Variants in DEPDC1B observed in about 807,000 individuals in gnomAD.
The protein encoded by DEPDC1B is DEP domain-containing protein 1B.
In DEPDC1B, 51 loss-of-function variants were observed where a neutral mutation model predicts 66.5. That is an observed-to-expected ratio of 0.77 (90% CI 0.61 to 0.97). DEPDC1B has a LOEUF of 0.97. DEPDC1B is among the 50% of genes least tolerant of loss of function. The probability of loss-of-function intolerance (pLI) is 0.00; values close to 1 mark genes in which losing one functional copy is unlikely to be tolerated. For synonymous variants in DEPDC1B, 226 were observed against 223.6 expected, an observed-to-expected ratio of 1.01 and a Z score of -0.10; for missense variants, 552 against 637.1, an observed-to-expected ratio of 0.87 and a Z score of 1.44.
chr5:60,618,713 G>A (rs532970617), intron 7 of DEPDC1B, among the ~76,000 whole-genome samples: 116 of 152,148 alleles, frequency 7.6e-4, no homozygotes, highest in Non-Finnish European at 1.4e-3. Context: ...ACAGGTACAA[G>A]GAGGAGCTGG....
At position 60,597,225 on chromosome 5, in the gene DEPDC1B, T is replaced by C. The variant is rs1752112803; in HGVS notation, c.*528A>G. 1 of 152,626 alleles carries C rather than the reference T, an allele frequency of 6.6e-6. No homozygotes were observed. The highest frequency in any genetic ancestry group is 2.4e-5 in the African/African-American group (1 of 41,464). The allele number at this position is 152,626 out of a possible 1,614,324, so 9.5% of individuals were successfully genotyped here. A position where few individuals can be genotyped will look rare whatever the true frequency, so the allele number is the denominator to read the frequency against. On this transcript the variant is annotated 3_prime_UTR_variant, in exon 11 of 11. Transcript: ENST00000265036. ...ATAAATCTGCAATAAAAGACATAGC[T>C]ATCACAATATAAGACATTAAAAAAT...
intron 5 of DEPDC1B, among the ~76,000 whole-genome samples, chr5:60,644,489 G>A (rs1276329480): frequency 2.0e-5 from 3 of 152,132 alleles, no homozygotes; most frequent in Non-Finnish European, 4.4e-5. Flanking sequence ...CTGGGAATAC[G>A]AAACCACTTA....
intron 2 of DEPDC1B, among the ~76,000 whole-genome samples, chr5:60,664,491 C>T (rs1442034382): frequency 5.3e-5 from 8 of 152,358 alleles, no homozygotes; most frequent in Admixed American, 2.6e-4. Flanking sequence ...CGACTGTGCA[C>T]TTGTGCAACT....
chr5:60,612,129 T>G (rs1752425379), intron 7 of DEPDC1B, among the ~76,000 whole-genome samples: 1 of 152,062 alleles, frequency 6.6e-6, no homozygotes, highest in Non-Finnish European at 1.5e-5. Context: ...CCTTAAGAAT[T>G]ATGCTACATC....
At chr5:60,636,947 C>G (rs1012066046) in intron 7 of DEPDC1B, among the ~76,000 whole-genome samples, 1 of 151,958 alleles carries the variant, frequency 6.6e-6, no homozygotes, top group African/African-American at 2.4e-5. Context: ...TAGCTGAGAT[C>G]AAAATGAATA....
intron 2 of DEPDC1B, among the ~76,000 whole-genome samples, chr5:60,664,522 T>G (rs1753793426): frequency 6.6e-6 from 1 of 152,158 alleles, no homozygotes. Flanking sequence ...CCACATTTCT[T>G]CCAGACAATG....
At chr5:60,691,380 C>T (rs1480945153) in intron 1 of DEPDC1B, among the ~76,000 whole-genome samples, 1 of 152,044 alleles carries the variant, frequency 6.6e-6, no homozygotes, top group Non-Finnish European at 1.5e-5. Flanking sequence ...TAACCAACTT[C>T]TCAACCTCAA....
chr5:60,693,152 C>T (rs1435345246), intron 1 of DEPDC1B, among the ~76,000 whole-genome samples: 2 of 152,008 alleles, frequency 1.3e-5, no homozygotes, highest in Non-Finnish European at 2.9e-5. Context: ...GTACATTATG[C>T]CTAATTAACA....
intron 7 of DEPDC1B, chr5:60,628,385 A>T (rs1220550017): frequency 6.6e-6 from 1 of 152,190 alleles, no homozygotes; most frequent in Admixed American, 6.5e-5. Context: ...TGAAACATGA[A>T]GGTTTTTGAG....
At chr5:60,602,578 C>T (rs1467450244) in intron 9 of DEPDC1B, among the ~76,000 whole-genome samples, 4 of 152,104 alleles carry the variant, frequency 2.6e-5, no homozygotes, top group African/African-American at 9.7e-5. Context: ...CACAGGCTGA[C>T]ATACAAACCC....
intron 7 of DEPDC1B, among the ~76,000 whole-genome samples, chr5:60,609,786 T>C (rs1462311363): frequency 6.6e-6 from 1 of 152,184 alleles, no homozygotes; most frequent in Non-Finnish European, 1.5e-5. Flanking sequence ...AGAACACTTG[T>C]TCCAGGCTAC....
rs1040811327 is a variant in DEPDC1B at position 60,603,276 on chromosome 5, A to G, written c.1242+115T>C. ...CTATGTGCCAAGACCTGTTGTAAGT[A>G]CTTTATAAACATTAATTCACTTAAT... is the stretch of plus-strand genomic sequence containing the variant. On this transcript the variant is annotated intron_variant, in intron 9 of 10. Transcript: ENST00000265036. 13 of 952,684 alleles carry G rather than the reference A, an allele frequency of 1.4e-5. No individual in the cohort carries two copies. In the East Asian group the frequency reaches 3.6e-4, roughly 26 times the overall value. The allele number at this position is 952,684 out of a possible 1,614,324, so 59.0% of individuals were successfully genotyped here. A position where few individuals can be genotyped will look rare whatever the true frequency, so the allele number is the denominator to read the frequency against.
chr5:60,688,472 A>T (rs1267696986), intron 1 of DEPDC1B, among the ~76,000 whole-genome samples: 1 of 152,202 alleles, frequency 6.6e-6, no homozygotes, highest in Non-Finnish European at 1.5e-5. Context: ...CTCCCGGTGT[A>T]ATGCAGTACC....
chr5:60,619,404 C>T (rs1421745099), intron 7 of DEPDC1B, among the ~76,000 whole-genome samples: 13 of 152,134 alleles, frequency 8.5e-5, no homozygotes, highest in African/African-American at 2.9e-4. Flanking sequence ...CGTCTCAGCC[C>T]AAAATCTCCT....
At chr5:60,697,269 TGGTGC>T (rs1204972905) in intron 1 of DEPDC1B, among the ~76,000 whole-genome samples, 38 of 152,162 alleles carry the variant, frequency 2.5e-4, no homozygotes, top group Admixed American at 2.5e-3. Flanking sequence ...AATAAGACTT[TGGTGC>T]TTTAGAAAAA....
chr5:60,601,339 T>G (rs1752195902), intron 9 of DEPDC1B, among the ~76,000 whole-genome samples: 1 of 152,210 alleles, frequency 6.6e-6, no homozygotes, highest in African/African-American at 2.4e-5. Context: ...AAAATTACAC[T>G]TTTCACCCAT....
chr5:60,662,872 G>A (rs965358940), intron 2 of DEPDC1B, among the ~76,000 whole-genome samples: 2 of 152,118 alleles, frequency 1.3e-5, no homozygotes, highest in Admixed American at 6.5e-5. Context: ...GAGGTTAACT[G>A]TCTCCTGGAC....
chr5:60,699,952 T>G, intron 1 of DEPDC1B, 94 bp downstream of exon 1: 4 of 1,453,228 alleles, frequency 2.8e-6, no homozygotes, highest in Non-Finnish European at 3.7e-6. Flanking sequence ...CCCGCTGGCC[T>G]GCGGAAGCGA....
intron 2 of DEPDC1B, among the ~76,000 whole-genome samples, chr5:60,674,480 G>A (rs934076612): frequency 6.6e-6 from 1 of 152,098 alleles, no homozygotes; most frequent in Non-Finnish European, 1.5e-5. Context: ...TGAACCTTGG[G>A]TCCACATATA....
Sources: allele counts gnomAD v4.1 joint callset (sites outside exome capture counted in the v4.1 genomes callset), GRCh38; gene constraint gnomAD v4.1.1; transcripts MANE v1.5; gene names NCBI Gene and HGNC (gene_info 2026-07-23, HGNC 2026-07-21).